GRID2: variants seen among roughly 807,000 people sequenced by gnomAD.
GRID2 encodes the protein glutamate ionotropic receptor delta type subunit 2, also known as glutamate receptor ionotropic, delta-2.
Under a neutral mutation model 114.8 loss-of-function variants are expected in GRID2, and 33 were observed. That is an observed-to-expected ratio of 0.29 (90% CI 0.22 to 0.38). The LOEUF (loss-of-function observed/expected upper bound fraction) is 0.38. Ranked by LOEUF, GRID2 falls within the 10% of genes least tolerant of loss-of-function variation. The pLI, the probability that GRID2 is intolerant of heterozygous loss-of-function variation, is 1.00. For synonymous variants in GRID2, 505 were observed against 449.9 expected, an observed-to-expected ratio of 1.12 and a Z score of -1.55; for missense variants, 1,184 against 1,257.7, an observed-to-expected ratio of 0.94 and a Z score of 0.89.
At chr4:92,366,149 CT>C (rs1247217009) in intron 1 of GRID2, among the ~76,000 whole-genome samples, 4 of 151,898 alleles carry the variant, frequency 2.6e-5, no homozygotes, top group Non-Finnish European at 4.4e-5. Flanking sequence ...ATAATACTTT[CT>C]TTTTTGTAGA....
intron 8 of GRID2, among the ~76,000 whole-genome samples, chr4:93,265,856 G>A (rs1053656435): frequency 2.0e-5 from 3 of 152,134 alleles, no homozygotes; most frequent in Admixed American, 2.0e-4. Flanking sequence ...GAGAGCTTTA[G>A]TACCCCATCA....
At chr4:93,047,304 G>A (rs1016856362) in intron 2 of GRID2, among the ~76,000 whole-genome samples, 2 of 152,044 alleles carry the variant, frequency 1.3e-5, no homozygotes, top group African/African-American at 4.8e-5. Context: ...AAGCTATGGA[G>A]ACCAAAATAA....
At chr4:93,644,562 C>A (rs1721934120) in intron 14 of GRID2, among the ~76,000 whole-genome samples, 1 of 152,090 alleles carries the variant, frequency 6.6e-6, no homozygotes, top group South Asian at 2.1e-4. Flanking sequence ...CTTTAGTACT[C>A]CCTAAAAAAA....
chr4:92,332,494 C>G (rs556398655), intron 1 of GRID2, among the ~76,000 whole-genome samples: 1 of 152,122 alleles, frequency 6.6e-6, no homozygotes, highest in Non-Finnish European at 1.5e-5. Flanking sequence ...CCCTGGTCCC[C>G]CAAATTCACA....
chr4:93,541,921 G>A (rs996192962), intron 13 of GRID2, among the ~76,000 whole-genome samples: 3 of 152,066 alleles, frequency 2.0e-5, no homozygotes, highest in African/African-American at 7.2e-5. Context: ...ATAAGTTATG[G>A]AAGACTTGAA....
At chr4:92,312,481 C>T (rs1725757429) in intron 1 of GRID2, among the ~76,000 whole-genome samples, 1 of 151,904 alleles carries the variant, frequency 6.6e-6, no homozygotes, top group Non-Finnish European at 1.5e-5. Flanking sequence ...ATAGATGAGC[C>T]AGGTGGGAGA....
intron 11 of GRID2, among the ~76,000 whole-genome samples, chr4:93,462,032 G>A (rs2149421359): frequency 6.6e-6 from 1 of 152,174 alleles, no homozygotes; most frequent in South Asian, 2.1e-4. Flanking sequence ...TCTGATTATG[G>A]GAAATAGAAA....
intron 13 of GRID2, among the ~76,000 whole-genome samples, chr4:93,615,639 CAAAA>C (rs58667569): frequency 8.5e-6 from 1 of 117,454 alleles, no homozygotes. Flanking sequence ...GCCTTCACCC[CAAAA>C]AAAAAAAAAA....
Position 93,110,908 on chromosome 4 carries a change from G to T in GRID2, c.690G>T (p.Ala230=). The stretch of plus-strand genomic sequence containing the variant: ...GCTATCGAGACACTCTTAGGCGAGC[G>T]ATCCTTGTTATGAATCCTGCTACAG... ...LNRYRDTLRR[A]ILVMNPATAK... is the part of the protein sequence containing the mutation. The change falls in exon 4 of 16, where the codon GCG becomes GCT. Residue 230 remains alanine, a synonymous_variant. Coordinates refer to ENST00000282020, the MANE Select transcript of GRID2 (RefSeq NM_001510.4). 6.2e-7 allele frequency: 1 copy of T among 1,613,140 alleles called. No homozygotes were observed. The highest frequency in any genetic ancestry group is 8.5e-7 in the Non-Finnish European group (1 of 1,179,154).
intron 2 of GRID2, among the ~76,000 whole-genome samples, chr4:92,869,458 G>A (rs1745118621): frequency 6.6e-6 from 1 of 152,158 alleles, no homozygotes; most frequent in Admixed American, 6.5e-5. Flanking sequence ...AAAGCAACTG[G>A]TAGTTCGGAT....
chr4:93,367,184 CTTTA>C (rs1762421806), intron 8 of GRID2, among the ~76,000 whole-genome samples: 1 of 136,938 alleles, frequency 7.3e-6, no homozygotes, highest in Admixed American at 7.6e-5. Flanking sequence ...GAGCCTGTGG[CTTTA>C]TTTTTTTTTT....
At chr4:93,678,007 G>C (rs1428979085) in intron 14 of GRID2, among the ~76,000 whole-genome samples, 1 of 151,830 alleles carries the variant, frequency 6.6e-6, no homozygotes, top group African/African-American at 2.4e-5. Flanking sequence ...TCAAACCAAA[G>C]GCAAAGAAGT....
chr4:92,367,727 A>C (rs1461214429), intron 1 of GRID2, among the ~76,000 whole-genome samples: 1 of 152,116 alleles, frequency 6.6e-6, no homozygotes, highest in African/African-American at 2.4e-5. Flanking sequence ...TGGCATGATA[A>C]GATTTTTAAA....
intron 1 of GRID2, among the ~76,000 whole-genome samples, chr4:92,494,539 T>G (rs1270385959): frequency 3.3e-5 from 5 of 152,034 alleles, no homozygotes; most frequent in Admixed American, 2.6e-4. Flanking sequence ...TATCTAGGCT[T>G]TGTTTTATCT....
At chr4:92,520,171 T>A (rs894080508) in intron 1 of GRID2, among the ~76,000 whole-genome samples, 1 of 151,846 alleles carries the variant, frequency 6.6e-6, no homozygotes, top group Non-Finnish European at 1.5e-5. Flanking sequence ...GATACAGCTA[T>A]CCTGTGTACA....
At chr4:92,352,623 G>T (rs974513249) in intron 1 of GRID2, among the ~76,000 whole-genome samples, 1 of 151,894 alleles carries the variant, frequency 6.6e-6, no homozygotes, top group South Asian at 2.1e-4. Flanking sequence ...GTGTGAAGTG[G>T]CATTTCAAGT....
intron 2 of GRID2, among the ~76,000 whole-genome samples, chr4:92,746,935 A>G (rs992110459): frequency 3.9e-5 from 6 of 152,130 alleles, no homozygotes; most frequent in African/African-American, 1.4e-4. Flanking sequence ...AGTTATTTGT[A>G]GAGCAGATGC....
intron 3 of GRID2, among the ~76,000 whole-genome samples, chr4:93,093,387 T>C (rs1730941423): frequency 2.0e-5 from 3 of 151,994 alleles, no homozygotes; most frequent in Admixed American, 6.6e-5. Flanking sequence ...CCAACTGGCA[T>C]AGTCATTAGT....
At chr4:92,582,692 G>A (rs1728238232) in intron 1 of GRID2, among the ~76,000 whole-genome samples, 1 of 151,948 alleles carries the variant, frequency 6.6e-6, no homozygotes, top group Non-Finnish European at 1.5e-5. Context: ...GATGGGTGTT[G>A]TGGCTTATGC....
Sources: allele counts gnomAD v4.1 joint callset (sites outside exome capture counted in the v4.1 genomes callset), GRCh38; gene constraint gnomAD v4.1.1; transcripts MANE v1.5; gene names NCBI Gene and HGNC (gene_info 2026-07-23, HGNC 2026-07-21).